The following RCC1 variants were observed in gnomAD, a reference collection of about 807,000 sequenced individuals.
RCC1 encodes regulator of chromosome condensation 1.
In RCC1, 11 loss-of-function variants were observed where a neutral mutation model predicts 44.4. That is an observed-to-expected ratio of 0.25 (90% CI 0.16 to 0.41). RCC1 has a LOEUF of 0.41. Ranked by LOEUF, RCC1 falls within the 10% of genes least tolerant of loss-of-function variation. The probability of loss-of-function intolerance (pLI) is 1.00; values close to 1 mark genes in which losing one functional copy is unlikely to be tolerated. For synonymous variants in RCC1, 213 were observed against 216.5 expected (o/e 0.98, Z 0.14); for missense variants, 386 against 547.1 (o/e 0.71, Z 2.94).
chr1:28,509,756 T>G (rs1191000555), intron 3 of RCC1: 2 of 152,184 alleles, frequency 1.3e-5, no homozygotes, highest in Non-Finnish European at 2.9e-5. Flanking sequence ...TAGTCTCAGG[T>G]GGGTCCCCCT....
intron 4 of RCC1, among the ~76,000 whole-genome samples, chr1:28,525,040 C>T (rs146425708): frequency 2.6e-5 from 4 of 151,992 alleles, no homozygotes; most frequent in African/African-American, 4.8e-5. Flanking sequence ...CTGAGCTCCC[C>T]GAGTGAGCAG....
chr1:28,508,765 A>G (rs930654424), intron 2 of RCC1, 65 bp from the exon 3 acceptor site: 5 of 518,522 alleles, frequency 9.6e-6, no homozygotes, highest in African/African-American at 7.7e-5. Context: ...AAACATATCT[A>G]GTATACTAGA....
chr1:28,513,891 T>C (rs1319997474), intron 3 of RCC1, among the ~76,000 whole-genome samples: 2 of 152,144 alleles, frequency 1.3e-5, no homozygotes, highest in African/African-American at 4.8e-5. Context: ...AGCCATATTA[T>C]ACATTTTTAA....
chr1:28,538,179 T>G lies in RCC1; in HGVS notation c.*172T>G. 1 of 526,492 alleles carries G rather than the reference T, an allele frequency of 1.9e-6. No homozygotes were observed. The allele number at this position is 526,492 out of a possible 1,614,324, so 32.6% of individuals were successfully genotyped here. The stretch of plus-strand genomic sequence containing the variant: ...TTTTCCTCTTTTCCTTCCTCCTCTT[T>G]GGAATTTTCCTGGGACCTACAGAAT... On this transcript the variant is annotated 3_prime_UTR_variant, in exon 13 of 13. Coordinates refer to ENST00000683442, the MANE Select transcript of RCC1 (RefSeq NM_001381865.2).
In RCC1 at chr1:28,529,247, G is replaced by C. The variant is rs767740081; in HGVS notation, c.-9-611G>C. ...TGCCCAGGCTGGAGTGCAGTGGCTC[G>C]ATCTTGGCTCACCACAACCTCCACC... On this transcript the variant is annotated intron_variant, in intron 4 of 12. Transcript: ENST00000683442. 3.7e-5 allele frequency among the ~76,000 whole-genome samples: 5 copies of C among 135,778 alleles called. No individual in the cohort carries two copies. In the Admixed American group the frequency reaches 4.1e-4, roughly 11 times the overall value. The allele number at this position is 135,778 out of a possible 152,430, so 89.1% of individuals were successfully genotyped here. A position where few individuals can be genotyped will look rare whatever the true frequency, so the allele number is the denominator to read the frequency against.
In RCC1 at chr1:28,536,649, G is replaced by A. The variant is rs565568812; in HGVS notation, c.938-98G>A. 5.2e-5 allele frequency: 74 copies of A among 1,410,144 alleles called. No individual in the cohort carries two copies. The South Asian group carries it at 8.1e-4, about 16-fold the overall frequency. 87.4% of individuals were successfully genotyped at this position (1,410,144 alleles called of 1,614,324 possible). A position where few individuals can be genotyped will look rare whatever the true frequency, so the allele number is the denominator to read the frequency against. On this transcript the variant is annotated intron_variant, in intron 11 of 12. Coordinates refer to ENST00000683442, the MANE Select transcript of RCC1 (RefSeq NM_001381865.2). This position sits in a 1 kb window ranked among gnomAD's most constrained non-coding sequence, Gnocchi z 4.9. ...TCCTTCTGATCGCTCTGGGAGCAGG[G>A]ACACACTCCCATGGACAGGTGGACT...
chr1:28,536,128 CT>C lies in RCC1; in HGVS notation c.817+103del. 6.5e-7 allele frequency: 1 copy of C among 1,541,864 alleles called. No individual in the cohort carries two copies. Among genetic ancestry groups the C allele is most frequent in the Non-Finnish European group, 8.8e-7 (1 of 1,141,948 alleles). ...CATCCTTTGCGGGGTCGTCTAACCC[CT>C]CCAAGCCAGTTTTGTCATCTGTAAA... On this transcript the variant is annotated intron_variant, in intron 10 of 12. Transcript: ENST00000683442. The surrounding 1 kb of genome is among the most constrained non-coding windows in gnomAD (Gnocchi z 4.9).
At chr1:28,534,486 C>G (rs982112533) in intron 7 of RCC1, among the ~76,000 whole-genome samples, 1 of 151,876 alleles carries the variant, frequency 6.6e-6, no homozygotes, top group Non-Finnish European at 1.5e-5. Flanking sequence ...GGCCTCTTTT[C>G]TTTTTTAATT....
At chr1:28,518,070 C>G (rs1662999142) in intron 4 of RCC1, 1 of 149,906 alleles carries the variant, frequency 6.7e-6, no homozygotes, top group Non-Finnish European at 1.5e-5. Flanking sequence ...AAAATACACG[C>G]CCACTGGAAC....
chr1:28,507,907 G>A (rs74804093), intron 1 of RCC1: 17,859 of 306,520 alleles, frequency 0.058, 1,494 homozygotes, highest in African/African-American at 0.23. Context: ...CACCTGGCTG[G>A]ATTGAAGTCT....
In RCC1 at chr1:28,536,705, C is replaced by T. The variant is rs755205107; in HGVS notation, c.938-42C>T. ...AGCCTGCCACCCATTTTGCCTGTAG[C>T]ACGCCCTCTGCTATTGCTCATCTCT... is the stretch of plus-strand genomic sequence containing the variant. On this transcript the variant is annotated intron_variant, in intron 11 of 12. Transcript: ENST00000683442. This position sits in a 1 kb window ranked among gnomAD's most constrained non-coding sequence, Gnocchi z 4.9. The T allele has an allele frequency of 6.2e-7, 1 of 1,604,036 alleles. No individual in the cohort carries two copies. The highest frequency in any genetic ancestry group is 1.1e-5 in the South Asian group (1 of 89,824).
intron 3 of RCC1, among the ~76,000 whole-genome samples, chr1:28,511,693 ACT>A (rs1229785004): frequency 2.1e-5 from 3 of 146,306 alleles, no homozygotes; most frequent in Non-Finnish European, 3.0e-5. Flanking sequence ...ATCTAATCTC[ACT>A]CTGTCTCCAG....
At chr1:28,510,827 C>CAGT in intron 3 of RCC1, 1 of 152,310 alleles carries the variant, frequency 6.6e-6, no homozygotes, top group Non-Finnish European at 1.5e-5. Flanking sequence ...GTCTGTATGC[C>CAGT]CAGTCCCATC....
chr1:28,537,825 C>T lies in RCC1; in HGVS notation c.1091-7C>T. 1.9e-6 allele frequency: 3 copies of T among 1,610,022 alleles called. No homozygotes were observed. The highest frequency in any genetic ancestry group is 2.5e-6 in the Non-Finnish European group (3 of 1,178,586). On this transcript the variant is annotated splice_region_variant and splice_polypyrimidine_tract_variant and intron_variant, in intron 12 of 12. Transcript: ENST00000683442. ...GAGACAGCTGTACCCATTTCTCTCT[C>T]TTGCAGGTCGTGTTTTCGCCTGGGG...
chr1:28,526,946 A>G (rs1010528645), intron 4 of RCC1: 94 of 857,460 alleles, frequency 1.1e-4, no homozygotes, highest in Admixed American at 1.5e-4. Flanking sequence ...GAAAAGCACC[A>G]AATATTTCCC....
Position 28,535,239 on chromosome 1 carries a change from C to G in RCC1, c.539-19C>G. The G allele has an allele frequency of 6.2e-7, 1 of 1,614,178 alleles. No homozygotes were observed. Among genetic ancestry groups the G allele is most frequent in the Non-Finnish European group, 8.5e-7 (1 of 1,180,012 alleles). Reference sequence around the variant, plus strand: ...GGCCTTACAGTTGTGGCCTGCATCCCTTACCTTTTCATCCTTAGGAAACGA... The same window carrying G: ...GGCCTTACAGTTGTGGCCTGCATCCGTTACCTTTTCATCCTTAGGAAACGA... On this transcript the variant is annotated intron_variant, in intron 8 of 12. Coordinates refer to ENST00000683442, the MANE Select transcript of RCC1 (RefSeq NM_001381865.2).
At position 28,536,225 on chromosome 1, in the gene RCC1, A is replaced by G. The variant is rs749243640; in HGVS notation, c.818-37A>G. 1.2e-6 allele frequency: 2 copies of G among 1,607,888 alleles called. No homozygotes were observed. Among genetic ancestry groups the G allele is most frequent in the Non-Finnish European group, 1.7e-6 (2 of 1,176,998 alleles). On this transcript the variant is annotated intron_variant, in intron 10 of 12. Coordinates refer to ENST00000683442, the MANE Select transcript of RCC1 (RefSeq NM_001381865.2). The surrounding 1 kb of genome is among the most constrained non-coding windows in gnomAD (Gnocchi z 4.9). ...GAGATTGAGAAGGGCAGCTCTCAGA[A>G]CACCTTCACCCCTGATGGCTCCGGC...
chr1:28,536,990 G>A lies in RCC1; in HGVS notation c.1090+91G>A. 7.1e-7 allele frequency: 1 copy of A among 1,411,830 alleles called. No homozygotes were observed. The allele number at this position is 1,411,830 out of a possible 1,614,324, so 87.5% of individuals were successfully genotyped here. A position where few individuals can be genotyped will look rare whatever the true frequency, so the allele number is the denominator to read the frequency against. On this transcript the variant is annotated intron_variant, in intron 12 of 12. Transcript: ENST00000683442. The surrounding 1 kb of genome is among the most constrained non-coding windows in gnomAD (Gnocchi z 4.9). ...CAATAGGCTGTGATGTCCACTCTCGGGGGAGCCGAGGTACAGAGAGCAGTG... is the reference window on the plus strand; with the variant it reads ...CAATAGGCTGTGATGTCCACTCTCGAGGGAGCCGAGGTACAGAGAGCAGTG...
intron 3 of RCC1, among the ~76,000 whole-genome samples, chr1:28,511,075 A>C (rs1662501810): frequency 1.3e-5 from 2 of 152,108 alleles, no homozygotes; most frequent in Admixed American, 6.6e-5. Context: ...TAGACTTTCC[A>C]AACAGGCACT....
Sources: gnomAD v4.1 joint callset for allele counts (sites outside exome capture counted in the v4.1 genomes callset) on GRCh38, gnomAD v4.1.1 for gene constraint, Gnocchi (gnomAD v3.1) non-coding constraint, MANE v1.5 for transcripts, NCBI Gene and HGNC (gene_info 2026-07-23, HGNC 2026-07-21) for gene names.